The following KCNJ10 variants were observed in gnomAD, a reference collection of about 807,000 sequenced individuals.
KCNJ10 encodes the protein ATP-sensitive inward rectifier potassium channel 10.
Under a neutral mutation model 22.2 loss-of-function variants are expected in KCNJ10, and 9 were observed. The observed-to-expected ratio is 0.40, with a 90% CI of 0.24 to 0.71. KCNJ10 has a LOEUF of 0.71. Ranked by LOEUF, KCNJ10 falls within the 30% of genes least tolerant of loss-of-function variation. The pLI, the probability that KCNJ10 is intolerant of heterozygous loss-of-function variation, is 0.35. For synonymous variants in KCNJ10, 184 were observed against 187.3 expected, an observed-to-expected ratio of 0.98 and a Z score of 0.15; for missense variants, 337 against 482.7, an observed-to-expected ratio of 0.70 and a Z score of 2.83.
intron 1 of KCNJ10, among the ~76,000 whole-genome samples, chr1:160,061,331 T>C (rs1211575359): frequency 6.6e-6 from 1 of 152,092 alleles, no homozygotes; most frequent in Non-Finnish European, 1.5e-5. Context: ...AACTGTTCCA[T>C]CTACCTCCCA....
In KCNJ10 at chr1:160,040,280, T is replaced by A. The variant is rs1406835646; in HGVS notation, c.*1113A>T. The A allele has an allele frequency of 2.8e-6, 1 of 358,808 alleles. No homozygotes were observed. The highest frequency in any genetic ancestry group is 2.1e-5 in the African/African-American group (1 of 47,876). 22.2% of individuals were successfully genotyped at this position (358,808 alleles called of 1,614,324 possible). ...GGCTCTGTACAGCAGTTTGGAAATCTGAGAATTTACCCATCCCTCATGGTG... is the reference window on the plus strand; with the variant it reads ...GGCTCTGTACAGCAGTTTGGAAATCAGAGAATTTACCCATCCCTCATGGTG... On this transcript the variant is annotated 3_prime_UTR_variant, in exon 2 of 2. Coordinates refer to ENST00000644903, the MANE Select transcript of KCNJ10 (RefSeq NM_002241.5).
rs374746230 is a variant in KCNJ10 at position 160,041,992 on chromosome 1, A to G, written c.541T>C (p.Phe181Leu). 17 of 1,589,556 alleles carry G rather than the reference A, an allele frequency of 1.1e-5. No individual in the cohort carries two copies. The highest frequency in any genetic ancestry group is 1.5e-5 in the Non-Finnish European group (17 of 1,166,396). Residue 181 changes from phenylalanine (F) to leucine (L), a missense_variant, in exon 2 of 2, where the codon TTC (phenylalanine) becomes CTC (leucine). Transcript: ENST00000644903. This position sits in a 1 kb window ranked among gnomAD's most constrained non-coding sequence, Gnocchi z 4.4. ...RPKKRAETIR[F>L]SQHAVVASHN... Reference sequence around the variant, plus strand: ...GAGGCCACAACTGCATGCTGGCTGAAACGAATGGTCTCAGCCCGCTTCTTG... The same window carrying G: ...GAGGCCACAACTGCATGCTGGCTGAGACGAATGGTCTCAGCCCGCTTCTTG...
intron 1 of KCNJ10, among the ~76,000 whole-genome samples, chr1:160,059,080 A>AG (rs1553236369): frequency 1.3e-5 from 2 of 152,062 alleles, no homozygotes; most frequent in African/African-American, 4.8e-5. Context: ...TAGCCTCCCT[A>AG]GGGGGGCAAT....
At chr1:160,044,222 A>T (rs931498986) in intron 1 of KCNJ10, among the ~76,000 whole-genome samples, 1 of 152,244 alleles carries the variant, frequency 6.6e-6, no homozygotes, top group Non-Finnish European at 1.5e-5. Context: ...ACTTCCGTTC[A>T]TGCAAGACTG....
chr1:160,042,276 C>T lies in KCNJ10; in HGVS notation c.257G>A (p.Trp86Ter). The change falls in exon 2 of 2, where the codon TGG becomes TAG. Residue 86 changes from tryptophan to a stop codon, truncating the protein, a stop_gained. Coordinates refer to ENST00000644903, the MANE Select transcript of KCNJ10 (RefSeq NM_002241.5). LOFTEE classifies it high-confidence loss of function. ...CCCATGTGCCACAGCTACCAGATAC[C>T]ACACCACGCCAAAGAGGAACCATGT... ...AGTWFLFGVV[W>*]YLVAVAHGDL... is the part of the protein sequence containing the mutation. 1 of 1,614,134 alleles carries T rather than the reference C, an allele frequency of 6.2e-7. No individual in the cohort carries two copies. The highest frequency in any genetic ancestry group is 8.5e-7 in the Non-Finnish European group (1 of 1,179,994).
intron 1 of KCNJ10, among the ~76,000 whole-genome samples, chr1:160,047,839 C>T (rs753993977): frequency 6.6e-5 from 10 of 152,196 alleles, no homozygotes; most frequent in Non-Finnish European, 1.3e-4. Flanking sequence ...CTCCTGGACT[C>T]AAGCAGTCCT....
chr1:160,064,714 G>A (rs1649276202), intron 1 of KCNJ10: 2 of 152,188 alleles, frequency 1.3e-5, no homozygotes, highest in Admixed American at 6.5e-5. Flanking sequence ...CTTACCAGTT[G>A]CCTATATCTT....
At chr1:160,061,119 A>G (rs1181793589) in intron 1 of KCNJ10, among the ~76,000 whole-genome samples, 1 of 152,090 alleles carries the variant, frequency 6.6e-6, no homozygotes, top group East Asian at 1.9e-4. Flanking sequence ...CTCCTTCCCA[A>G]AAAAAGGTGG....
At chr1:160,052,764 C>G (rs539356143) in intron 1 of KCNJ10, among the ~76,000 whole-genome samples, 4 of 152,296 alleles carry the variant, frequency 2.6e-5, no homozygotes, top group African/African-American at 9.6e-5. Flanking sequence ...CTCTCAGCCT[C>G]TCGGATCTGT....
intron 1 of KCNJ10, among the ~76,000 whole-genome samples, chr1:160,054,518 A>C (rs185130110): frequency 6.6e-6 from 1 of 152,036 alleles, no homozygotes; most frequent in African/African-American, 2.4e-5. Context: ...TATAGAAATA[A>C]CTCTTGTTGC....
chr1:160,052,884 T>C lies in KCNJ10; in HGVS notation c.1-10352A>G, dbSNP rs79815616. On this transcript the variant is annotated intron_variant, in intron 1 of 1. Coordinates refer to ENST00000644903, the MANE Select transcript of KCNJ10 (RefSeq NM_002241.5). The stretch of plus-strand genomic sequence containing the variant: ...AAGCCACAGGACTAAATTTAGTATA[T>C]TTCCTGAAGTTATCAATTTTGCTCA... 8.6e-3 allele frequency among the ~76,000 whole-genome samples: 1,305 copies of C among 152,338 alleles called. 16 individuals are homozygous for C. The highest frequency in any genetic ancestry group is 0.03 in the African/African-American group (1,247 of 41,570).
chr1:160,054,097 C>T (rs914789608), intron 1 of KCNJ10, among the ~76,000 whole-genome samples: 2 of 152,180 alleles, frequency 1.3e-5, no homozygotes, highest in Admixed American at 6.5e-5. Context: ...CCCCCTGTTT[C>T]GCCGGCTGGA....
At chr1:160,069,821 G>T (rs932782757) in intron 1 of KCNJ10, among the ~76,000 whole-genome samples, 18 of 152,322 alleles carry the variant, frequency 1.2e-4, no homozygotes, top group African/African-American at 4.3e-4. Flanking sequence ...GACCAGCCTG[G>T]CTAGTTTCCT....
intron 1 of KCNJ10, among the ~76,000 whole-genome samples, chr1:160,068,811 A>G (rs1571278330): frequency 6.6e-6 from 1 of 152,136 alleles, no homozygotes; most frequent in East Asian, 1.9e-4. Flanking sequence ...ACTAAATTGA[A>G]CTCACTGGTG....
In KCNJ10 at chr1:160,040,342, GA is replaced by G. The variant is rs1446080361; in HGVS notation, c.*1050del. On this transcript the variant is annotated 3_prime_UTR_variant, in exon 2 of 2. Transcript: ENST00000644903. Reference sequence around the variant, plus strand: ...ACTTTCTGGGGAATCTGTGCCCTGTGAATCTAGTTTTACTTGAGCATCCGTG... The same window carrying G: ...ACTTTCTGGGGAATCTGTGCCCTGTGATCTAGTTTTACTTGAGCATCCGTG... 2.6e-6 allele frequency: 1 copy of G among 390,726 alleles called. No homozygotes were observed. The highest frequency in any genetic ancestry group is 4.5e-6 in the Non-Finnish European group (1 of 221,802). The allele number at this position is 390,726 out of a possible 1,614,324, so 24.2% of individuals were successfully genotyped here.
rs909323335 is a variant in KCNJ10 at position 160,040,572 on chromosome 1, A to G, written c.*821T>C. ...TGGCTTGGGTCCTTCCATTCACAGG[A>G]CACAGGGAAACAGATCTTCTCTGGG... On this transcript the variant is annotated 3_prime_UTR_variant, in exon 2 of 2. Transcript: ENST00000644903. 4 of 398,588 alleles carry G rather than the reference A, an allele frequency of 1.0e-5. No homozygotes were observed. The highest frequency in any genetic ancestry group is 1.8e-5 in the Non-Finnish European group (4 of 226,134). The allele number at this position is 398,588 out of a possible 1,614,324, so 24.7% of individuals were successfully genotyped here. A position where few individuals can be genotyped will look rare whatever the true frequency, so the allele number is the denominator to read the frequency against.
chr1:160,061,750 G>T (rs61821993), intron 1 of KCNJ10, among the ~76,000 whole-genome samples: 12,297 of 126,614 alleles, frequency 0.097, 783 homozygotes, highest in Non-Finnish European at 0.13. Context: ...GGTGCAAAAG[G>T]GAAAGGGGGG....
At chr1:160,063,751 C>G (rs890242252) in intron 1 of KCNJ10, among the ~76,000 whole-genome samples, 15 of 152,206 alleles carry the variant, frequency 9.9e-5, no homozygotes, top group Admixed American at 9.8e-4. Flanking sequence ...GTCACTTTCC[C>G]TCTCTGGGCC....
At position 160,042,513 on chromosome 1, in the gene KCNJ10, A is replaced by AG; in HGVS notation, c.19_20insC (p.Val7AlafsTer55). 6.2e-7 allele frequency: 1 copy of AG among 1,614,068 alleles called. No homozygotes were observed. The highest frequency in any genetic ancestry group is 8.5e-7 in the Non-Finnish European group (1 of 1,180,026). On this transcript the variant is annotated frameshift_variant, in exon 2 of 2. Transcript: ENST00000644903. LOFTEE classifies it high-confidence loss of function. ...TGTCTGAGTGGTCTGACTGTAATAC[A>AG]CCTTGGCAACTGACGTCATCTGGAG...
Sources: allele counts gnomAD v4.1 joint callset (sites outside exome capture counted in the v4.1 genomes callset), GRCh38; gene constraint gnomAD v4.1.1; non-coding constraint Gnocchi (gnomAD v3.1); transcripts MANE v1.5; gene names NCBI Gene and HGNC (gene_info 2026-07-23, HGNC 2026-07-21).